The following SLC2A13 variants were observed in gnomAD, a reference collection of about 807,000 sequenced individuals.
SLC2A13 encodes solute carrier family 2 member 13.
A neutral mutation model predicts 64.4 loss-of-function variants in SLC2A13; 32 were observed. The observed-to-expected ratio is 0.50, with a 90% confidence interval of 0.37 to 0.67. The LOEUF (loss-of-function observed/expected upper bound fraction) is 0.67, where lower values mean the gene tolerates loss of function less well. Ranked by LOEUF, SLC2A13 falls within the 30% of genes least tolerant of loss-of-function variation. SLC2A13 has a pLI of 0.00. For missense variants in SLC2A13, 743 were observed against 829.2 expected, an observed-to-expected ratio of 0.90 and a Z score of 1.28; for synonymous variants, 338 against 327.1, an observed-to-expected ratio of 1.03 and a Z score of -0.36.
chr12:40,104,144 TTCA>T (rs1202640846), intron 1 of SLC2A13, among the ~76,000 whole-genome samples: 4 of 152,024 alleles, frequency 2.6e-5, no homozygotes, highest in Non-Finnish European at 4.4e-5. Context: ...TTAAAGCGCT[TTCA>T]TCAAGCCCCA....
rs113364081 is a variant in SLC2A13, at chr12:39,977,009, A to C, written c.926-25644T>G. ...TAACTTTAAACAACATCAGGAAGGA[A>C]AGCATGAAAACAACATACGTACTTT... On this transcript the variant is annotated intron_variant, in intron 3 of 9. Transcript: ENST00000280871. 9.2e-5 allele frequency among the ~76,000 whole-genome samples: 14 copies of C among 152,340 alleles called. 1 individual carries two copies. The highest frequency in any genetic ancestry group is 3.1e-4 in the African/African-American group (13 of 41,602).
At chr12:40,061,819 A>G (rs948319772) in intron 1 of SLC2A13, among the ~76,000 whole-genome samples, 1 of 152,118 alleles carries the variant, frequency 6.6e-6, no homozygotes, top group Non-Finnish European at 1.5e-5. Context: ...CAAAAAAAAA[A>G]AAAGGAAATT....
At position 39,871,787 on chromosome 12, in the gene SLC2A13, C is replaced by T. The variant is rs765928478; in HGVS notation, c.1198+11G>A. The T allele has an allele frequency of 1.1e-5, 17 of 1,580,618 alleles. No individual in the cohort carries two copies. The highest frequency in any genetic ancestry group is 9.4e-5 in the South Asian group (8 of 84,828). On this transcript the variant is annotated intron_variant, in intron 5 of 9. Coordinates refer to ENST00000280871, the MANE Select transcript of SLC2A13 (RefSeq NM_052885.4). The stretch of plus-strand genomic sequence containing the variant: ...AAAGTTTATAATTGAATTCTTTATC[C>T]AGCCACCTACCTGCTAAACTACCAA...
intron 7 of SLC2A13, among the ~76,000 whole-genome samples, chr12:39,807,316 C>A (rs1035602151): frequency 6.6e-6 from 1 of 152,102 alleles, no homozygotes; most frequent in African/African-American, 2.4e-5. Context: ...CATATGATAA[C>A]ACTGTATAAA....
At chr12:40,035,786 T>C (rs1043024257) in intron 2 of SLC2A13, among the ~76,000 whole-genome samples, 14 of 152,258 alleles carry the variant, frequency 9.2e-5, no homozygotes, top group Admixed American at 3.9e-4. Flanking sequence ...TAAACTAATA[T>C]CAGCATATAA....
chr12:40,041,964 C>A (rs1034826782), intron 2 of SLC2A13, among the ~76,000 whole-genome samples: 3 of 152,224 alleles, frequency 2.0e-5, no homozygotes, highest in South Asian at 2.1e-4. Context: ...GATCCTACCC[C>A]CTCCTGGTCT....
chr12:39,762,248 C>T (rs2094061660), intron 9 of SLC2A13, among the ~76,000 whole-genome samples: 2 of 152,014 alleles, frequency 1.3e-5, no homozygotes. Flanking sequence ...CTCATTTATT[C>T]CTCCCTTGGA....
intron 7 of SLC2A13, among the ~76,000 whole-genome samples, chr12:39,780,845 T>G (rs903399389): frequency 6.6e-6 from 1 of 152,134 alleles, no homozygotes; most frequent in Non-Finnish European, 1.5e-5. Context: ...AAAAGAAATT[T>G]TTTAAAAAAA....
chr12:40,098,184 G>T (rs1939027052), intron 1 of SLC2A13, among the ~76,000 whole-genome samples: 1 of 151,988 alleles, frequency 6.6e-6, no homozygotes, highest in Non-Finnish European at 1.5e-5. Flanking sequence ...CCTTTAAAAA[G>T]AGGGAAACTC....
At chr12:39,820,297 A>G (rs1353712247) in intron 7 of SLC2A13, among the ~76,000 whole-genome samples, 1 of 152,052 alleles carries the variant, frequency 6.6e-6, no homozygotes, top group East Asian at 1.9e-4. Flanking sequence ...ACTATAATGA[A>G]TTTTTCTTAG....
intron 3 of SLC2A13, among the ~76,000 whole-genome samples, chr12:40,021,109 T>A (rs948146480): frequency 6.6e-6 from 1 of 152,180 alleles, no homozygotes; most frequent in Non-Finnish European, 1.5e-5. Flanking sequence ...TTTGAAGTAT[T>A]ACCTATCTAC....
rs745559401 is a variant in SLC2A13 at position 39,910,094 on chromosome 12, C to A, written c.1035-38133G>T. Reference sequence around the variant, plus strand: ...CAGCCCTTAGAAGAAGAACTAGAACCCTGTCCCCTGCTTCCTCGTGCAGGA... The same window carrying A: ...CAGCCCTTAGAAGAAGAACTAGAACACTGTCCCCTGCTTCCTCGTGCAGGA... On this transcript the variant is annotated intron_variant, in intron 4 of 9. Transcript: ENST00000280871. Among the ~76,000 whole-genome samples the A allele has an allele frequency of 1.4e-4, 22 of 151,992 alleles. 1 individual carries two copies. Among genetic ancestry groups the A allele is most frequent in the Non-Finnish European group, 2.8e-4 (19 of 68,000 alleles).
intron 1 of SLC2A13, among the ~76,000 whole-genome samples, chr12:40,083,968 T>G (rs1592070077): frequency 6.6e-6 from 1 of 152,192 alleles, no homozygotes; most frequent in South Asian, 2.1e-4. Context: ...CAACACCAGG[T>G]ATCATTCATT....
chr12:39,837,891 TG>T (rs1943063017), intron 6 of SLC2A13, among the ~76,000 whole-genome samples: 2 of 151,056 alleles, frequency 1.3e-5, no homozygotes, highest in South Asian at 4.2e-4. Context: ...ACACTGTTGG[TG>T]GGACTGTAAA....
At chr12:39,839,682 G>A (rs566705766) in intron 6 of SLC2A13, among the ~76,000 whole-genome samples, 3 of 151,856 alleles carry the variant, frequency 2.0e-5, no homozygotes, top group Non-Finnish European at 4.4e-5. Context: ...CTTTGCTTCT[G>A]TTCTGGGCCA....
At chr12:39,821,762 T>C (rs1942517062) in intron 7 of SLC2A13, among the ~76,000 whole-genome samples, 1 of 152,176 alleles carries the variant, frequency 6.6e-6, no homozygotes, top group African/African-American at 2.4e-5. Context: ...TCTAATTTCC[T>C]TGGCCAGAAC....
chr12:39,905,354 C>G (rs997415337), intron 4 of SLC2A13, among the ~76,000 whole-genome samples: 2 of 152,110 alleles, frequency 1.3e-5, no homozygotes, highest in African/African-American at 4.8e-5. Flanking sequence ...CTCATCCAAG[C>G]TGCACAGTGC....
intron 3 of SLC2A13, among the ~76,000 whole-genome samples, chr12:40,022,211 A>C (rs1365369526): frequency 1.3e-5 from 2 of 152,212 alleles, no homozygotes; most frequent in Admixed American, 1.3e-4. Flanking sequence ...TCTTTGTCAA[A>C]GGCAAAGCCA....
rs59249741 is a variant in SLC2A13, at chr12:39,785,373, G to A, written c.1446-20515C>T. On this transcript the variant is annotated intron_variant, in intron 7 of 9. Transcript: ENST00000280871. ...TAAGCCTTGGCAGCTTCCATGTGGC[G>A]TTGAGCCTGTGGGTGCACAGAAGTC... Among the ~76,000 whole-genome samples the A allele has an allele frequency of 7.5e-3, 1,143 of 152,316 alleles. 15 individuals carry two copies. The highest frequency in any genetic ancestry group is 0.026 in the African/African-American group (1,087 of 41,552).
Sources: gnomAD v4.1 joint callset for allele counts (sites outside exome capture counted in the v4.1 genomes callset) on GRCh38, gnomAD v4.1.1 for gene constraint, MANE v1.5 for transcripts, NCBI Gene and HGNC (gene_info 2026-07-23, HGNC 2026-07-21) for gene names.